Variants in UBE2Q2 observed in about 807,000 individuals in gnomAD.
UBE2Q2 encodes ubiquitin conjugating enzyme E2 Q2.
UBE2Q2 carries 54 observed loss-of-function variants against 59.9 expected under a neutral mutation model. That is an observed-to-expected ratio of 0.90 (90% confidence interval 0.72 to 1.13). UBE2Q2 has a LOEUF of 1.13. UBE2Q2 is among the 50% of genes most tolerant of loss of function. UBE2Q2 has a pLI of 0.00. For missense variants in UBE2Q2, 433 were observed against 441.9 expected, an observed-to-expected ratio of 0.98 and a Z score of 0.18; for synonymous variants, 165 against 155.2, an observed-to-expected ratio of 1.06 and a Z score of -0.47.
intron 1 of UBE2Q2, chr15:75,844,249 G>A: frequency 1.3e-6 from 2 of 1,501,828 alleles, no homozygotes; most frequent in Non-Finnish European, 1.8e-6. Flanking sequence ...GGCCGGCAAG[G>A]GGAACGGCCC....
rs1213433726 is a variant in UBE2Q2, at chr15:75,891,010, A to G, written c.1025A>G (p.Asn342Ser). Residue 342 changes from asparagine to serine, a missense_variant, in exon 11 of 13, where the codon AAT becomes AGT. Asn to Ser is a conservative substitution (Grantham distance 46, BLOSUM62 1). Transcript: ENST00000267938. ...KGKARVQFGA[N>S]KNQYNLARAQ... ...AAAGCCAGAGTGCAGTTTGGAGCAA[A>G]TAAGGTACTTCTGTTAAGAATTTTA... The G allele has an allele frequency of 6.2e-7, 1 of 1,610,988 alleles. No homozygotes were observed. Among genetic ancestry groups the G allele is most frequent in the Admixed American group, 1.7e-5 (1 of 60,016 alleles).
intron 11 of UBE2Q2, among the ~76,000 whole-genome samples, chr15:75,891,218 G>T (rs765212835): frequency 6.6e-6 from 1 of 151,972 alleles, no homozygotes; most frequent in Non-Finnish European, 1.5e-5. Context: ...TAATGATTTC[G>T]TATCTGTTTT....
chr15:75,896,810 T>A (rs1374676770), intron 11 of UBE2Q2, among the ~76,000 whole-genome samples, 185 bp from the exon 12 acceptor site: 1 of 152,246 alleles, frequency 6.6e-6, no homozygotes, highest in Non-Finnish European at 1.5e-5. Context: ...TTGGTTTTGT[T>A]ATTTTTATAA....
intron 9 of UBE2Q2, among the ~76,000 whole-genome samples, chr15:75,889,960 A>G (rs1174436760): frequency 6.6e-6 from 1 of 152,210 alleles, no homozygotes; most frequent in African/African-American, 2.4e-5. Context: ...TTTGATTCTC[A>G]CAACAGAATG....
At chr15:75,864,207 A>G (rs528978737) in intron 3 of UBE2Q2, among the ~76,000 whole-genome samples, 2 of 152,304 alleles carry the variant, frequency 1.3e-5, no homozygotes, top group South Asian at 4.1e-4. Flanking sequence ...TTATTTCAGT[A>G]TCAAGGGTAT....
intron 11 of UBE2Q2, chr15:75,895,154 C>A (rs1292412358): frequency 6.6e-6 from 1 of 151,722 alleles, no homozygotes; most frequent in East Asian, 2.0e-4. Flanking sequence ...CCACTGCACT[C>A]CAGCCTGGGT....
chr15:75,862,675 T>A (rs1383817003), intron 3 of UBE2Q2, among the ~76,000 whole-genome samples: 5 of 150,384 alleles, frequency 3.3e-5, no homozygotes, highest in Admixed American at 6.6e-5. Flanking sequence ...ATTAGGTGGG[T>A]ATGGTGGCAC....
chr15:75,891,538 A>T (rs335712), intron 11 of UBE2Q2, among the ~76,000 whole-genome samples: 1 of 151,508 alleles, frequency 6.6e-6, no homozygotes, highest in African/African-American at 2.4e-5. Context: ...AACTTAAAAA[A>T]TAGGTGCTAT....
At chr15:75,846,365 G>A (rs1444488298) in intron 1 of UBE2Q2, among the ~76,000 whole-genome samples, 1 of 152,110 alleles carries the variant, frequency 6.6e-6, no homozygotes. Context: ...CGCCTCCCGA[G>A]TAGCTGGGAT....
chr15:75,897,073 T>G lies in UBE2Q2; in HGVS notation c.1096+12T>G. The G allele has an allele frequency of 6.7e-7, 1 of 1,493,616 alleles. No homozygotes were observed. The highest frequency in any genetic ancestry group is 9.1e-7 in the Non-Finnish European group (1 of 1,098,532). 92.5% of individuals were successfully genotyped at this position (1,493,616 alleles called of 1,614,324 possible). ...ACATGAGAAAAATGGTATGTTTAAT[T>G]CAATAAGTGTTTATTGCCATTTAAG... On this transcript the variant is annotated intron_variant, in intron 12 of 12. Transcript: ENST00000267938.
chr15:75,858,912 A>G (rs1166421824), intron 2 of UBE2Q2, among the ~76,000 whole-genome samples: 1 of 152,182 alleles, frequency 6.6e-6, no homozygotes, highest in Non-Finnish European at 1.5e-5. Flanking sequence ...ACTTTGGGAA[A>G]GCTTATTCTT....
chr15:75,854,543 A>G, intron 2 of UBE2Q2, 56 bp downstream of exon 2: 1 of 1,078,768 alleles, frequency 9.3e-7, no homozygotes, highest in Non-Finnish European at 1.4e-6. Flanking sequence ...ACATATAGAA[A>G]TTAAATGTTA....
At chr15:75,852,734 A>G (rs1372514863) in intron 1 of UBE2Q2, among the ~76,000 whole-genome samples, 5 of 152,346 alleles carry the variant, frequency 3.3e-5, no homozygotes, top group South Asian at 2.1e-4. Flanking sequence ...GCAGTACTCA[A>G]TAAGTGGTGT....
chr15:75,883,839 TACACACACACACAC>T (rs10524276), intron 9 of UBE2Q2, among the ~76,000 whole-genome samples: 23 of 151,994 alleles, frequency 1.5e-4, no homozygotes, highest in South Asian at 1.5e-3. Flanking sequence ...TATTTATACA[TACACACACACACAC>T]ACACACACAC....
chr15:75,845,096 G>A (rs1837878328), intron 1 of UBE2Q2, among the ~76,000 whole-genome samples: 1 of 152,118 alleles, frequency 6.6e-6, no homozygotes, highest in Non-Finnish European at 1.5e-5. Flanking sequence ...CAGTCTTCTT[G>A]GGGGAAGAGT....
In UBE2Q2 at chr15:75,868,978, G is replaced by A. The variant is rs1006314111; in HGVS notation, c.415G>A (p.Glu139Lys). 5.6e-6 allele frequency: 9 copies of A among 1,612,730 alleles called. No individual in the cohort carries two copies. Among genetic ancestry groups the A allele is most frequent in the Non-Finnish European group, 7.6e-6 (9 of 1,179,114 alleles). ...QNGTTEEVTSEEEEEEEEMAE... is the reference protein window; with the variant it reads ...QNGTTEEVTSKEEEEEEEMAE... ...TGGGACAACAGAAGAAGTGACTTCA[G>A]AAGAAGAGGAAGAAGAAGAAGAGAT... Residue 139 changes from glutamate to lysine, a missense_variant, in exon 4 of 13, where the codon GAA becomes AAA. By Grantham distance (56) the Glu-to-Lys change is moderately conservative. Transcript: ENST00000267938.
chr15:75,857,884 A>T (rs1896999762), intron 2 of UBE2Q2, among the ~76,000 whole-genome samples: 1 of 152,210 alleles, frequency 6.6e-6, no homozygotes, highest in Non-Finnish European at 1.5e-5. Flanking sequence ...ATGTAAAAAA[A>T]ATCTATATGC....
chr15:75,855,997 A>G (rs1271278088), intron 2 of UBE2Q2, among the ~76,000 whole-genome samples: 1 of 151,990 alleles, frequency 6.6e-6, no homozygotes, highest in Non-Finnish European at 1.5e-5. Flanking sequence ...AGACCAGCCT[A>G]GGCAACATGG....
rs1445839875 is a variant in UBE2Q2 at position 75,876,378 on chromosome 15, A to G, written c.673+107A>G. 1.5e-5 allele frequency: 15 copies of G among 996,128 alleles called. No homozygotes were observed. In the East Asian group the frequency reaches 3.5e-4, roughly 23 times the overall value. The allele number at this position is 996,128 out of a possible 1,614,324, so 61.7% of individuals were successfully genotyped here. On this transcript the variant is annotated intron_variant, in intron 6 of 12. Transcript: ENST00000267938. ...CTGGACAGAAATGGAAATGTTTACT[A>G]GCTTTATTTCAGGAATGTGAAACTC...
Sources: gnomAD v4.1 joint callset for allele counts (sites outside exome capture counted in the v4.1 genomes callset) on GRCh38, gnomAD v4.1.1 for gene constraint, MANE v1.5 for transcripts, NCBI Gene and HGNC (gene_info 2026-07-23, HGNC 2026-07-21) for gene names.